The following NCKAP5 variants were observed in gnomAD, a reference collection of about 807,000 sequenced individuals.
NCKAP5 encodes the protein nck-associated protein 5.
NCKAP5 carries 92 observed loss-of-function variants against 167.0 expected under a neutral mutation model. That is an observed-to-expected ratio of 0.55 (90% CI 0.47 to 0.66). The LOEUF is 0.66. Among genes scored for constraint, NCKAP5 ranks in the 30% least tolerant of loss-of-function variants. NCKAP5 has a pLI of 0.00. For missense variants in NCKAP5, 2,378 were observed against 2,315.0 expected (o/e 1.03, Z -0.56); for synonymous variants, 891 against 877.4 (o/e 1.02, Z -0.27).
At chr2:132,803,468 A>C (rs1171355979) in intron 11 of NCKAP5, among the ~76,000 whole-genome samples, 1 of 152,228 alleles carries the variant, frequency 6.6e-6, no homozygotes, top group African/African-American at 2.4e-5. Flanking sequence ...ATTATTCCAC[A>C]GCTATATTCA....
At chr2:132,716,206 C>T (rs1689355822) in intron 19 of NCKAP5, among the ~76,000 whole-genome samples, 1 of 152,082 alleles carries the variant, frequency 6.6e-6, no homozygotes, top group South Asian at 2.1e-4. Context: ...GAGTAAACCT[C>T]TACAAAAAAG....
intron 3 of NCKAP5, among the ~76,000 whole-genome samples, chr2:133,307,814 T>A (rs905413610): frequency 6.6e-6 from 1 of 152,134 alleles, no homozygotes; most frequent in African/African-American, 2.4e-5. Flanking sequence ...ATGCATTATC[T>A]ATGCACATAT....
chr2:133,042,837 A>T (rs1007986154), intron 6 of NCKAP5, among the ~76,000 whole-genome samples: 2 of 152,202 alleles, frequency 1.3e-5, no homozygotes, highest in African/African-American at 4.8e-5. Context: ...TTTTCTCTCT[A>T]TTTCATCTTG....
At chr2:132,834,598 G>A (rs1687754682) in intron 11 of NCKAP5, among the ~76,000 whole-genome samples, 1 of 152,116 alleles carries the variant, frequency 6.6e-6, no homozygotes, top group Admixed American at 6.5e-5. Context: ...ACCGACCTCG[G>A]CCTCCCAAAG....
At chr2:132,692,663 C>T (rs959551372) in intron 19 of NCKAP5, among the ~76,000 whole-genome samples, 3 of 151,966 alleles carry the variant, frequency 2.0e-5, no homozygotes, top group African/African-American at 7.2e-5. Flanking sequence ...CAAGTGGCAC[C>T]AAGAAATAGT....
intron 8 of NCKAP5, among the ~76,000 whole-genome samples, chr2:132,902,544 A>G (rs1377323017): frequency 2.0e-5 from 3 of 152,252 alleles, no homozygotes; most frequent in Non-Finnish European, 2.9e-5. Context: ...TGTAGAGTAC[A>G]TTAAAAGCTG....
chr2:133,037,868 G>A (rs543156309), intron 6 of NCKAP5, among the ~76,000 whole-genome samples: 1 of 152,198 alleles, frequency 6.6e-6, no homozygotes, highest in African/African-American at 2.4e-5. Context: ...TCCATGGAAT[G>A]GGAGAAAATA....
rs76691775 is a variant in NCKAP5 at position 132,760,994 on chromosome 2, A to C, written c.5128+12822T>G. ...GTGAATTAGGTCCCTGAGCCACATG[A>C]GTGCAAACTAATGATTCACAATCTT... On this transcript the variant is annotated intron_variant, in intron 16 of 19. Transcript: ENST00000409261. Among the ~76,000 whole-genome samples, 1,440 of 152,278 alleles carry C rather than the reference A, an allele frequency of 9.5e-3. 33 individuals are homozygous for C. Among genetic ancestry groups the C allele is most frequent in the African/African-American group, 0.033 (1,381 of 41,558 alleles).
At chr2:133,327,561 T>C (rs1682539440) in intron 3 of NCKAP5, among the ~76,000 whole-genome samples, 2 of 152,012 alleles carry the variant, frequency 1.3e-5, no homozygotes, top group Non-Finnish European at 2.9e-5. Flanking sequence ...TCTTGAGGAC[T>C]GACAAAATGC....
the NCKAP5 span, among the ~76,000 whole-genome samples, chr2:133,622,541 G>A: frequency 6.6e-6 from 1 of 151,460 alleles, no homozygotes; most frequent in Non-Finnish European, 1.5e-5. Context: ...CACCATAGCT[G>A]CAAACACAAA....
At chr2:133,359,732 C>T (rs1208699011) in intron 3 of NCKAP5, among the ~76,000 whole-genome samples, 1 of 151,964 alleles carries the variant, frequency 6.6e-6, no homozygotes, top group Non-Finnish European at 1.5e-5. Context: ...TAGAAGAGAC[C>T]CTGAAGAAGT....
chr2:133,381,607 T>C (rs578057077), intron 3 of NCKAP5: 39 of 152,350 alleles, frequency 2.6e-4, no homozygotes, highest in African/African-American at 7.7e-4. Flanking sequence ...CTAGTTCAAC[T>C]GCTTCTCTTA....
chr2:132,808,545 C>T (rs900923173), intron 11 of NCKAP5, among the ~76,000 whole-genome samples: 1 of 151,986 alleles, frequency 6.6e-6, no homozygotes, highest in Non-Finnish European at 1.5e-5. Context: ...AGTTTATGTG[C>T]GTAAATGTGT....
intron 5 of NCKAP5, among the ~76,000 whole-genome samples, chr2:133,153,220 T>C (rs889199585): frequency 1.3e-5 from 2 of 152,196 alleles, no homozygotes; most frequent in African/African-American, 4.8e-5. Flanking sequence ...GACATTTTTA[T>C]ACATTTGTCA....
chr2:132,766,278 CAAAA>C (rs70973405), intron 16 of NCKAP5, among the ~76,000 whole-genome samples: 1 of 38,408 alleles, frequency 2.6e-5, no homozygotes, highest in Non-Finnish European at 4.9e-5. Flanking sequence ...GATTCTGTCT[CAAAA>C]AAAAAAAAAA....
chr2:133,349,037 T>C (rs1684170335), intron 3 of NCKAP5, among the ~76,000 whole-genome samples: 1 of 152,228 alleles, frequency 6.6e-6, no homozygotes, highest in Non-Finnish European at 1.5e-5. Flanking sequence ...GCAGCTTACT[T>C]TGAGCACACA....
intron 8 of NCKAP5, among the ~76,000 whole-genome samples, chr2:132,899,283 C>T: frequency 6.6e-6 from 1 of 152,228 alleles, no homozygotes; most frequent in South Asian, 2.1e-4. Context: ...CTCTCTCAGC[C>T]TTCATAGAAT....
At chr2:133,207,778 A>T (rs188519369) in intron 5 of NCKAP5, among the ~76,000 whole-genome samples, 1 of 152,354 alleles carries the variant, frequency 6.6e-6, no homozygotes, top group East Asian at 1.9e-4. Context: ...AATAAATACC[A>T]ATGCAGTCAT....
intron 5 of NCKAP5, among the ~76,000 whole-genome samples, chr2:133,174,493 C>T (rs2084374281): frequency 6.6e-6 from 1 of 152,146 alleles, no homozygotes; most frequent in Admixed American, 6.6e-5. Context: ...TAGCATCCAT[C>T]ATTATGGACT....
Sources: gnomAD v4.1 joint callset for allele counts (sites outside exome capture counted in the v4.1 genomes callset) on GRCh38, gnomAD v4.1.1 for gene constraint, MANE v1.5 for transcripts, NCBI Gene and HGNC (gene_info 2026-07-23, HGNC 2026-07-21) for gene names.